Variants in VSIG4 observed in about 807,000 individuals in gnomAD.
The protein encoded by VSIG4 is V-set and immunoglobulin domain-containing protein 4.
In VSIG4, 34 loss-of-function variants were observed where a neutral mutation model predicts 23.4. The observed-to-expected ratio is 1.45, with a 90% CI of 1.10 to 1.93. The LOEUF (loss-of-function observed/expected upper bound fraction) is 1.93. Ranked by LOEUF, VSIG4 falls within the 30% of genes most tolerant of loss-of-function variation. The probability of loss-of-function intolerance (pLI) is 0.00; values close to 1 mark genes in which losing one functional copy is unlikely to be tolerated. For missense variants in VSIG4, 433 were observed against 310.8 expected (o/e 1.39, Z -2.96); for synonymous variants, 169 against 120.3 (o/e 1.41, Z -2.65).
intron 1 of VSIG4, among the ~76,000 whole-genome samples, chrX:66,035,777 G>A (rs960236059): frequency 2.7e-5 from 3 of 112,135 alleles, no homozygotes; most frequent in Non-Finnish European, 3.8e-5. Context: ...ATCTTCCTCT[G>A]GACTTTCCCA....
At chrX:66,025,243 C>A (rs1202567695) in intron 5 of VSIG4, 114 bp from the exon 6 acceptor site, 1 of 466,770 alleles carries the variant, frequency 2.1e-6, no homozygotes, top group African/African-American at 2.4e-5. Context: ...TTTCCATATT[C>A]TCCTAACCTT....
At chrX:66,031,000 G>T (rs1298246247) in intron 3 of VSIG4, among the ~76,000 whole-genome samples, 3 of 110,989 alleles carry the variant, frequency 2.7e-5, no homozygotes, top group Non-Finnish European at 5.7e-5. Context: ...ACAAGGTTGG[G>T]TGGACAGGGA....
chrX:66,037,438 T>G (rs1206969874), intron 1 of VSIG4, among the ~76,000 whole-genome samples: 1 of 53,403 alleles, frequency 1.9e-5, no homozygotes, highest in Non-Finnish European at 3.0e-5. Context: ...AATAATATAA[T>G]ATATAATATA....
At chrX:66,026,264 G>A (rs899000134) in intron 5 of VSIG4, among the ~76,000 whole-genome samples, 43 of 111,918 alleles carry the variant, frequency 3.8e-4, no homozygotes, top group East Asian at 1.7e-3. Context: ...CTAAGATATC[G>A]TGTCCTAGGA....
Position 66,033,605 on chromosome X carries a change from C to T in VSIG4, c.281G>A (p.Gly94Glu). ...GGTGCTCAATTGGAGGGATACATCT[C>T]CTGGAACCTTGTGGCTCACATGCAG... ...GRLHVSHKVP[G>E]DVSLQLSTLE... Residue 94 changes from glycine (G) to glutamate (E), a missense_variant, in exon 2 of 8, where the codon GGA becomes GAA. Physicochemically the swap from Gly to Glu is moderately conservative, Grantham distance 98 (BLOSUM62 -2). Coordinates refer to ENST00000374737, the MANE Select transcript of VSIG4 (RefSeq NM_007268.3). 8.3e-7 allele frequency: 1 copy of T among 1,211,583 alleles called. No individual in the cohort carries two copies. The highest frequency in any genetic ancestry group is 1.1e-6 in the Non-Finnish European group (1 of 895,465).
At chrX:66,031,380 G>A (rs942236171) in intron 3 of VSIG4, among the ~76,000 whole-genome samples, 11 of 109,616 alleles carry the variant, frequency 1.0e-4, no homozygotes, top group Admixed American at 2.9e-4. Flanking sequence ...GACCACTCTT[G>A]TTCCTCCCAA....
chrX:66,037,278 A>T (rs369611924), intron 1 of VSIG4, among the ~76,000 whole-genome samples: 1 of 8,089 alleles, frequency 1.2e-4, no homozygotes, highest in Non-Finnish European at 2.3e-4. Flanking sequence ...ATAATATAAT[A>T]TAATATATAA....
At chrX:66,036,355 C>T (rs1017953653) in intron 1 of VSIG4, among the ~76,000 whole-genome samples, 3 of 107,607 alleles carry the variant, frequency 2.8e-5, no homozygotes, top group Non-Finnish European at 5.7e-5. Context: ...AAGTAAACCA[C>T]AATACCACTG....
intron 1 of VSIG4, among the ~76,000 whole-genome samples, chrX:66,039,304 G>A (rs1383816483): frequency 8.9e-6 from 1 of 111,863 alleles, no homozygotes; most frequent in Non-Finnish European, 1.9e-5. Context: ...TATGTTCTGT[G>A]TAGCCCCAAG....
Position 66,032,753 on chromosome X carries a change from C to A in VSIG4, c.413-4G>T, listed in dbSNP as rs1222283245. On this transcript the variant is annotated splice_polypyrimidine_tract_variant and splice_region_variant and intron_variant, in intron 2 of 7. Coordinates refer to ENST00000374737, the MANE Select transcript of VSIG4 (RefSeq NM_007268.3). ...ACTGTGGGCTTGGAGACAGAGACTG[C>A]AAAGAAAAGACAAGACAGGAAACTC... 8 of 1,205,548 alleles carry A rather than the reference C, an allele frequency of 6.6e-6. No individual in the cohort carries two copies. The highest frequency in any genetic ancestry group is 5.3e-5 in the African/African-American group (3 of 56,705).
chrX:66,027,001 T>G (rs1270703009), intron 5 of VSIG4, among the ~76,000 whole-genome samples: 1 of 111,371 alleles, frequency 9.0e-6, no homozygotes, highest in Non-Finnish European at 1.9e-5. Flanking sequence ...GGGATTTGAA[T>G]CTCTGAGACC....
chrX:66,024,213 A>AT (rs1286302213), intron 6 of VSIG4, among the ~76,000 whole-genome samples: 1 of 111,948 alleles, frequency 8.9e-6, no homozygotes, highest in Non-Finnish European at 1.9e-5. Context: ...AAGCATCCCA[A>AT]TTTTTTTCCT....
rs754869551 is a variant in VSIG4, at chrX:66,022,501, C to G, written c.963-1G>C. On this transcript the variant is annotated splice_acceptor_variant, in intron 7 of 7. Coordinates refer to ENST00000374737, the MANE Select transcript of VSIG4 (RefSeq NM_007268.3). LOFTEE classifies it high-confidence loss of function. ...GTCGTTGGCCTCTCTGGCATGTGCC[C>G]TATGGCCCAAGAGCCCACCACCCAT... is the stretch of plus-strand genomic sequence containing the variant. 5 of 1,210,880 alleles carry G rather than the reference C, an allele frequency of 4.1e-6. No individual in the cohort carries two copies. The highest frequency in any genetic ancestry group is 3.0e-5 in the East Asian group (1 of 33,762).
At chrX:66,025,881 C>A (rs1393323352) in intron 5 of VSIG4, among the ~76,000 whole-genome samples, 3 of 112,387 alleles carry the variant, frequency 2.7e-5, no homozygotes, top group Non-Finnish European at 3.8e-5. Flanking sequence ...GAAATTAATT[C>A]TTCTCCAAAC....
intron 1 of VSIG4, among the ~76,000 whole-genome samples, chrX:66,037,906 T>G (rs1453269737): frequency 9.3e-6 from 1 of 107,285 alleles, no homozygotes; most frequent in Non-Finnish European, 1.9e-5. Flanking sequence ...AAGGTTGAAT[T>G]TACTAGGTGT....
chrX:66,022,047 G>A lies in VSIG4; in HGVS notation c.*216C>T. ...AGGAGTACCAGAAGCCCCCGGCAGAGATACTAGAAGGGCCCAGAGCCAAAT... is the reference window on the plus strand; with the variant it reads ...AGGAGTACCAGAAGCCCCCGGCAGAAATACTAGAAGGGCCCAGAGCCAAAT... On this transcript the variant is annotated 3_prime_UTR_variant, in exon 8 of 8. Transcript: ENST00000374737. 8.6e-7 allele frequency: 1 copy of A among 1,160,576 alleles called. No homozygotes were observed. Among genetic ancestry groups the A allele is most frequent in the Non-Finnish European group, 1.2e-6 (1 of 868,820 alleles).
Position 66,022,866 on chromosome X carries a change from G to C in VSIG4, c.941-4C>G. On this transcript the variant is annotated splice_polypyrimidine_tract_variant and splice_region_variant and intron_variant, in intron 6 of 7. Transcript: ENST00000374737. Reference sequence around the variant, plus strand: ...CTGGCTGCTTCGTAGACATGCTCTAGAAAAAAAGGAGGAATCATGTCAGAA... The same window carrying C: ...CTGGCTGCTTCGTAGACATGCTCTACAAAAAAAGGAGGAATCATGTCAGAA... The C allele has an allele frequency of 8.3e-7, 1 of 1,210,632 alleles. No individual in the cohort carries two copies. The highest frequency in any genetic ancestry group is 1.1e-6 in the Non-Finnish European group (1 of 894,869).
At chrX:66,028,725 A>G (rs751231770) in intron 3 of VSIG4, among the ~76,000 whole-genome samples, 2 of 109,803 alleles carry the variant, frequency 1.8e-5, no homozygotes, top group African/African-American at 6.6e-5. Flanking sequence ...CCTCAGAGGT[A>G]ATCTTGAACA....
At chrX:66,024,621 T>A (rs904374147) in intron 6 of VSIG4, among the ~76,000 whole-genome samples, 2 of 112,107 alleles carry the variant, frequency 1.8e-5, no homozygotes, top group Non-Finnish European at 3.8e-5. Context: ...CTCCTCTGGA[T>A]CCCTTTAGCA....
Sources: gnomAD v4.1 joint callset for allele counts (sites outside exome capture counted in the v4.1 genomes callset) on GRCh38, gnomAD v4.1.1 for gene constraint, MANE v1.5 for transcripts, NCBI Gene and HGNC (gene_info 2026-07-23, HGNC 2026-07-21) for gene names.